The following HELQ variants were observed in gnomAD, a reference collection of about 807,000 sequenced individuals.
HELQ encodes the protein helicase POLQ-like.
A neutral mutation model predicts 111.6 loss-of-function variants in HELQ; 77 were observed. The ratio of observed to expected loss-of-function variants is 0.69; its 90% CI spans 0.57 to 0.83. The LOEUF is 0.83. Among genes scored for constraint, HELQ ranks in the 40% least tolerant of loss-of-function variants. The pLI, the probability that HELQ is intolerant of heterozygous loss-of-function variation, is 0.00. For missense variants in HELQ, 1,200 were observed against 1,288.5 expected (o/e 0.93, Z 1.05); for synonymous variants, 438 against 454.7 (o/e 0.96, Z 0.47).
intron 14 of HELQ, among the ~76,000 whole-genome samples, chr4:83,425,633 C>T (rs1719810034): frequency 6.6e-6 from 1 of 152,092 alleles, no homozygotes; most frequent in Non-Finnish European, 1.5e-5. Context: ...ACAAAAAACC[C>T]AGACCTGTCC....
At chr4:83,437,992 A>G (rs562530643) in intron 8 of HELQ, among the ~76,000 whole-genome samples, 1 of 152,306 alleles carries the variant, frequency 6.6e-6, no homozygotes, top group South Asian at 2.1e-4. Flanking sequence ...ATTTACTGAG[A>G]ATTTTTTTAA....
At chr4:83,438,363 T>C (rs1011514595) in intron 8 of HELQ, among the ~76,000 whole-genome samples, 1 of 152,216 alleles carries the variant, frequency 6.6e-6, no homozygotes, top group Non-Finnish European at 1.5e-5. Context: ...AATATTAAGA[T>C]ACTACAAAAT....
At chr4:83,451,776 C>G (rs1419272454) in intron 2 of HELQ, among the ~76,000 whole-genome samples, 1 of 152,070 alleles carries the variant, frequency 6.6e-6, no homozygotes, top group African/African-American at 2.4e-5. Context: ...AGCAGAAAAA[C>G]AGAGGGAAGA....
chr4:83,421,626 T>C lies in HELQ; in HGVS notation c.2886A>G (p.Gly962=), dbSNP rs1463990917. 3 of 1,613,568 alleles carry C rather than the reference T, an allele frequency of 1.9e-6. No individual in the cohort carries two copies. The highest frequency in any genetic ancestry group is 2.5e-6 in the Non-Finnish European group (3 of 1,179,680). ...TTCCAGTGAGAAGATTTTGTATATATCCTCGAGGCATATTAAATTTTTCAG... is the reference window on the plus strand; with the variant it reads ...TTCCAGTGAGAAGATTTTGTATATACCCTCGAGGCATATTAAATTTTTCAG... The part of the protein sequence containing the change: ...TVSEKFNMPR[G]YIQNLLTGTA... The change falls in exon 15 of 18, where the codon GGA becomes GGG. Residue 962 remains glycine (G), a synonymous_variant. Coordinates refer to ENST00000295488, the MANE Select transcript of HELQ (RefSeq NM_133636.5).
chr4:83,421,071 A>T (rs558801321), intron 15 of HELQ, among the ~76,000 whole-genome samples: 4 of 152,168 alleles, frequency 2.6e-5, no homozygotes, highest in Non-Finnish European at 4.4e-5. Context: ...TCAGCCTCCC[A>T]AAGTGCTAGG....
intron 5 of HELQ, among the ~76,000 whole-genome samples, chr4:83,444,521 A>G (rs994382985): frequency 5.3e-5 from 8 of 152,216 alleles, no homozygotes; most frequent in African/African-American, 1.9e-4. Flanking sequence ...AGTTGGGACT[A>G]TAGTTTTTGT....
At chr4:83,429,416 T>C in intron 12 of HELQ, 108 bp downstream of exon 12, 1 of 812,376 alleles carries the variant, frequency 1.2e-6, no homozygotes, top group Non-Finnish European at 2.0e-6. Context: ...CCCAGAGTGT[T>C]GGGATTACAG....
At chr4:83,436,828 G>A in intron 9 of HELQ, 30 bp downstream of exon 9, 1 of 1,588,400 alleles carries the variant, frequency 6.3e-7, no homozygotes, top group Non-Finnish European at 8.6e-7. Context: ...GAAAAGTTCT[G>A]AGCCTGGTCA....
intron 17 of HELQ, among the ~76,000 whole-genome samples, chr4:83,413,170 T>C (rs995258956): frequency 1.3e-5 from 2 of 152,220 alleles, no homozygotes; most frequent in Admixed American, 6.5e-5. Flanking sequence ...ATCTGTATCT[T>C]TGTGATATCC....
intron 8 of HELQ, among the ~76,000 whole-genome samples, chr4:83,438,707 C>T (rs1372977880): frequency 1.4e-5 from 2 of 140,118 alleles, no homozygotes; most frequent in Non-Finnish European, 3.0e-5. Context: ...ATTTGTGCTA[C>T]TGCATTCCAG....
intron 17 of HELQ, 116 bp downstream of exon 17, chr4:83,416,615 G>A (rs371792977): frequency 3.9e-6 from 4 of 1,024,942 alleles, no homozygotes; most frequent in Non-Finnish European, 5.7e-6. Flanking sequence ...ATGTACTTTT[G>A]TATCTATAGA....
At chr4:83,424,406 G>A (rs1187642434) in intron 14 of HELQ, among the ~76,000 whole-genome samples, 1 of 152,210 alleles carries the variant, frequency 6.6e-6, no homozygotes, top group African/African-American at 2.4e-5. Context: ...GTGATAACAT[G>A]AATGCTTAAG....
At chr4:83,429,330 G>A (rs1249937882) in intron 12 of HELQ, among the ~76,000 whole-genome samples, 194 bp downstream of exon 12, 2 of 152,120 alleles carry the variant, frequency 1.3e-5, no homozygotes, top group South Asian at 2.1e-4. Flanking sequence ...TTGTATTTTA[G>A]TAGAGACAGG....
intron 7 of HELQ, among the ~76,000 whole-genome samples, chr4:83,440,982 C>A (rs1720726902): frequency 3.3e-5 from 5 of 152,230 alleles, no homozygotes; most frequent in Admixed American, 3.3e-4. Context: ...CAACTTGGTA[C>A]TGTCTTTCAA....
At chr4:83,434,555 T>G (rs182723936) in intron 9 of HELQ, among the ~76,000 whole-genome samples, 93 of 152,132 alleles carry the variant, frequency 6.1e-4, no homozygotes, top group African/African-American at 2.2e-3. Context: ...CTCGATGTCC[T>G]GGGCTCAAGC....
chr4:83,426,040 G>A lies in HELQ; in HGVS notation c.2729C>T (p.Ser910Phe). The A allele has an allele frequency of 6.2e-7, 1 of 1,611,594 alleles. No homozygotes were observed. Among genetic ancestry groups the A allele is most frequent in the Non-Finnish European group, 8.5e-7 (1 of 1,178,046 alleles). The part of the protein sequence containing the change: ...EQNVAAILGV[S>F]ESFIGKKASG... ...TGCTTTCTTCCCAATAAAGCTTTCAGAGACTCCAAGAATGGCAGCTACATT... is the reference window on the plus strand; with the variant it reads ...TGCTTTCTTCCCAATAAAGCTTTCAAAGACTCCAAGAATGGCAGCTACATT... Residue 910 changes from serine to phenylalanine, a missense_variant, in exon 14 of 18, where the codon TCT becomes TTT. By Grantham distance (155) the Ser-to-Phe change is radical. Coordinates refer to ENST00000295488, the MANE Select transcript of HELQ (RefSeq NM_133636.5).
chr4:83,408,697 G>A (rs767316552), intron 17 of HELQ, among the ~76,000 whole-genome samples: 9 of 151,812 alleles, frequency 5.9e-5, no homozygotes, highest in Non-Finnish European at 2.9e-5. Context: ...TATAGTGTGA[G>A]CCACTACACT....
In HELQ at chr4:83,418,151, A is replaced by G. The variant is rs1739461576; in HGVS notation, c.3005T>C (p.Leu1002Pro). ...TAATTCTGCCTTTACACAGTAAGTC[A>G]GCTTCTTGGTAAGTTCTACCAAAAG... ...RALLVELTKKLTYCVKAELIP... is the reference protein window; with the variant it reads ...RALLVELTKKPTYCVKAELIP... Residue 1002 changes from leucine to proline, a missense_variant, in exon 16 of 18, where the codon CTG becomes CCG. Coordinates refer to ENST00000295488, the MANE Select transcript of HELQ (RefSeq NM_133636.5). 1 of 1,610,394 alleles carries G rather than the reference A, an allele frequency of 6.2e-7. No homozygotes were observed. The highest frequency in any genetic ancestry group is 8.5e-7 in the Non-Finnish European group (1 of 1,178,102).
intron 17 of HELQ, among the ~76,000 whole-genome samples, chr4:83,412,919 C>T (rs116381231): frequency 2.5e-4 from 38 of 152,342 alleles, no homozygotes; most frequent in Non-Finnish European, 3.8e-4. Context: ...TCTGAACAGA[C>T]GGGTCTTGCT....
Sources: allele counts gnomAD v4.1 joint callset (sites outside exome capture counted in the v4.1 genomes callset), GRCh38; gene constraint gnomAD v4.1.1; transcripts MANE v1.5; gene names NCBI Gene and HGNC (gene_info 2026-07-23, HGNC 2026-07-21).